The following SLC14A1 variants were observed in gnomAD, a reference collection of about 807,000 sequenced individuals.
The protein encoded by SLC14A1 is urea transporter 1.
SLC14A1 carries 36 observed loss-of-function variants against 39.6 expected under a neutral mutation model. The ratio of observed to expected loss-of-function variants is 0.91; its 90% CI spans 0.70 to 1.20. SLC14A1 has a LOEUF of 1.20. Among genes scored for constraint, SLC14A1 ranks in the 50% most tolerant of loss-of-function variants. The pLI, the probability that SLC14A1 is intolerant of heterozygous loss-of-function variation, is 0.00. For synonymous variants in SLC14A1, 164 were observed against 173.6 expected (o/e 0.94, Z 0.43); for missense variants, 469 against 478.7 (o/e 0.98, Z 0.19).
At chr18:45,731,248 C>T in intron 4 of SLC14A1, 44 bp downstream of exon 4, 1 of 1,567,738 alleles carries the variant, frequency 6.4e-7, no homozygotes, top group East Asian at 2.2e-5. Context: ...TTCTGAGACA[C>T]AGGGGCTGAC....
At chr18:45,747,861 A>C (rs1471436081) in intron 8 of SLC14A1, among the ~76,000 whole-genome samples, 1 of 152,190 alleles carries the variant, frequency 6.6e-6, no homozygotes, top group East Asian at 1.9e-4. Context: ...TTTTTAGTAC[A>C]CAGGCTGCCA....
In SLC14A1 at chr18:45,752,183, G is replaced by A. The variant is rs1373142419; in HGVS notation, c.*2232G>A. 1.1e-5 allele frequency: 11 copies of A among 985,232 alleles called. No individual in the cohort carries two copies. Among genetic ancestry groups the A allele is most frequent in the African/African-American group, 5.2e-5 (3 of 57,208 alleles). 61.0% of individuals were successfully genotyped at this position (985,232 alleles called of 1,614,324 possible). A position where few individuals can be genotyped will look rare whatever the true frequency, so the allele number is the denominator to read the frequency against. On this transcript the variant is annotated 3_prime_UTR_variant, in exon 10 of 10. Coordinates refer to ENST00000321925, the MANE Select transcript of SLC14A1 (RefSeq NM_015865.7). Reference sequence around the variant, plus strand: ...ACTGAACCCTTTCTTGTTAGGGAACGTGTGAAAGAAGAATTGTGGGGAAAA... The same window carrying A: ...ACTGAACCCTTTCTTGTTAGGGAACATGTGAAAGAAGAATTGTGGGGAAAA...
chr18:45,747,443 C>G (rs1376388508), intron 8 of SLC14A1, among the ~76,000 whole-genome samples: 1 of 152,006 alleles, frequency 6.6e-6, no homozygotes, highest in African/African-American at 2.4e-5. Flanking sequence ...AATCCCAGCA[C>G]TTTGGGAGGC....
At chr18:45,741,666 A>C (rs1454083721) in intron 8 of SLC14A1, among the ~76,000 whole-genome samples, 1 of 152,214 alleles carries the variant, frequency 6.6e-6, no homozygotes, top group East Asian at 1.9e-4. Context: ...TGTTCTGTTG[A>C]AATGTTGAAC....
chr18:45,729,533 A>T (rs1599251335), intron 2 of SLC14A1: 1 of 152,220 alleles, frequency 6.6e-6, no homozygotes, highest in Non-Finnish European at 1.5e-5. Flanking sequence ...TTTTTCTATC[A>T]TACAATCCTT....
chr18:45,730,921 CAGG>C (rs955261892), intron 3 of SLC14A1, 91 bp from the exon 4 acceptor site: 58 of 1,043,482 alleles, frequency 5.6e-5, no homozygotes, highest in Non-Finnish European at 8.6e-5. Context: ...GTTTCACTTC[CAGG>C]AGGTTTTGCT....
chr18:45,749,805 T>C lies in SLC14A1; in HGVS notation c.1024T>C (p.Phe342Leu), dbSNP rs1485319745. The change falls in exon 10 of 10, where the codon TTC (phenylalanine) becomes CTC (leucine). Residue 342 changes from phenylalanine (F) to leucine (L), a missense_variant. Transcript: ENST00000321925. The part of the protein sequence containing the change: ...EVGLPACTWP[F>L]CLATLLFLIM... ...TGGATTGCCAGCTTGTACCTGGCCC[T>C]TCTGTTTGGCCACGCTATTGTTCCT... 1.9e-6 allele frequency: 3 copies of C among 1,614,074 alleles called. No individual in the cohort carries two copies. Among genetic ancestry groups the C allele is most frequent in the Non-Finnish European group, 2.5e-6 (3 of 1,180,034 alleles).
intron 8 of SLC14A1, among the ~76,000 whole-genome samples, chr18:45,740,449 A>G (rs753334754): frequency 1.8e-4 from 27 of 151,820 alleles, no homozygotes; most frequent in Non-Finnish European, 3.4e-4. Flanking sequence ...ATTTTTCTAA[A>G]AAACAGTCTC....
chr18:45,734,309 C>T lies in SLC14A1; in HGVS notation c.377C>T (p.Ala126Val). Residue 126 changes from alanine (A) to valine (V), a missense_variant, in exon 5 of 10, where the codon GCC (alanine) becomes GTC (valine). By Grantham distance (64) the Ala-to-Val change is moderately conservative. Transcript: ENST00000321925. The part of the protein sequence containing the change: ...LIASGLYGYN[A>V]TLVGVLMAVF... ...GCATCTGGGCTCTATGGCTACAATG[C>T]CACCCTGGTGGGAGTACTCATGGCT... The T allele has an allele frequency of 6.2e-7, 1 of 1,613,994 alleles. No homozygotes were observed. Among genetic ancestry groups the T allele is most frequent in the Non-Finnish European group, 8.5e-7 (1 of 1,179,954 alleles).
At chr18:45,747,546 T>A (rs1401065452) in intron 8 of SLC14A1, among the ~76,000 whole-genome samples, 2 of 150,516 alleles carry the variant, frequency 1.3e-5, no homozygotes, top group African/African-American at 2.4e-5. Context: ...AAAAAAAAAA[T>A]TAGCTGGGCG....
intron 8 of SLC14A1, among the ~76,000 whole-genome samples, chr18:45,740,049 G>A (rs1211456447): frequency 6.6e-6 from 1 of 152,192 alleles, no homozygotes; most frequent in East Asian, 1.9e-4. Context: ...AGCTTGCACT[G>A]ACACTTGGCC....
intron 8 of SLC14A1, among the ~76,000 whole-genome samples, chr18:45,744,857 C>T (rs2047498532): frequency 6.6e-6 from 1 of 152,184 alleles, no homozygotes; most frequent in Non-Finnish European, 1.5e-5. Context: ...TTTCCTGAGG[C>T]CCTTCAGTTC....
chr18:45,724,487 C>T lies in SLC14A1; in HGVS notation c.-86+214C>T, dbSNP rs543312031. ...GGAAGCTCAAAGGCATGCCTTTATT[C>T]GTGATTTCTGAAGCAAGGTGCATGC... On this transcript the variant is annotated intron_variant, in intron 1 of 9. Transcript: ENST00000321925. Among the ~76,000 whole-genome samples the T allele has an allele frequency of 6.6e-5, 10 of 152,308 alleles. No individual in the cohort carries two copies. In the South Asian group the frequency reaches 2.1e-3, roughly 32 times the overall value.
chr18:45,727,173 C>A, intron 2 of SLC14A1: 1 of 1,296,030 alleles, frequency 7.7e-7, no homozygotes, highest in South Asian at 1.3e-5. Context: ...GCGCTCCAGC[C>A]CCCCTCAGCT....
At chr18:45,732,585 C>T (rs1382922720) in intron 4 of SLC14A1, among the ~76,000 whole-genome samples, 1 of 152,158 alleles carries the variant, frequency 6.6e-6, no homozygotes, top group East Asian at 1.9e-4. Flanking sequence ...ATGGTGCCTC[C>T]TGGCCCAGTT....
chr18:45,724,183 C>T lies in SLC14A1; in HGVS notation c.-176C>T, dbSNP rs2046802237. The T allele has an allele frequency of 6.6e-6, 1 of 152,220 alleles. No homozygotes were observed. Among genetic ancestry groups the T allele is most frequent in the Admixed American group, 6.5e-5 (1 of 15,284 alleles). The allele number at this position is 152,220 out of a possible 1,614,324, so 9.4% of individuals were successfully genotyped here. On this transcript the variant is annotated 5_prime_UTR_variant, in exon 1 of 10. Coordinates refer to ENST00000321925, the MANE Select transcript of SLC14A1 (RefSeq NM_015865.7). ...ACTGTTAGGTGCCTCCCTCCAGCAC[C>T]ATCTCCTGAGAAGCACTCTCCCTTG...
At chr18:45,730,969 A>G (rs1211364185) in intron 3 of SLC14A1, 46 bp from the exon 4 acceptor site, 4 of 1,572,880 alleles carry the variant, frequency 2.5e-6, no homozygotes, top group Non-Finnish European at 3.5e-6. Flanking sequence ...GTTGAAGAGT[A>G]TCACTTGGCA....
chr18:45,730,964 A>C, intron 3 of SLC14A1, 51 bp from the exon 4 acceptor site: 2 of 1,542,792 alleles, frequency 1.3e-6, no homozygotes, highest in African/African-American at 1.4e-5. Context: ...CTGTGGTTGA[A>C]GAGTATCACT....
intron 3 of SLC14A1, among the ~76,000 whole-genome samples, 199 bp from the exon 4 acceptor site, chr18:45,730,816 G>A (rs2047007068): frequency 6.6e-6 from 1 of 152,126 alleles, no homozygotes; most frequent in Non-Finnish European, 1.5e-5. Context: ...GGGGCAGTGT[G>A]GGTTGAGCAT....
Sources: gnomAD v4.1 joint callset for allele counts (sites outside exome capture counted in the v4.1 genomes callset) on GRCh38, gnomAD v4.1.1 for gene constraint, MANE v1.5 for transcripts, NCBI Gene and HGNC (gene_info 2026-07-23, HGNC 2026-07-21) for gene names.